Variants in SUPT6H observed in about 807,000 individuals in gnomAD.
The protein encoded by SUPT6H is SPT6 homolog, histone chaperone and transcription elongation factor, also known as transcription elongation factor SPT6.
A neutral mutation model predicts 222.3 loss-of-function variants in SUPT6H; 11 were observed. The ratio of observed to expected loss-of-function variants is 0.05; its 90% CI spans 0.03 to 0.08. SUPT6H has a LOEUF of 0.08. Ranked by LOEUF, SUPT6H falls within the 10% of genes least tolerant of loss-of-function variation. The pLI is 1.00. For synonymous variants in SUPT6H, 762 were observed against 801.2 expected (o/e 0.95, Z 0.83); for missense variants, 1,422 against 2,216.0 (o/e 0.64, Z 7.19).
At chr17:28,679,333 A>G (rs2030948176) in intron 11 of SUPT6H, among the ~76,000 whole-genome samples, 1 of 152,116 alleles carries the variant, frequency 6.6e-6, no homozygotes. Flanking sequence ...AGATCGTGCC[A>G]CTGCTCTCCA....
rs1597697977 is a variant in SUPT6H, at chr17:28,678,973, G to A, written c.1349+10G>A. The A allele has an allele frequency of 8.1e-6, 13 of 1,614,122 alleles. No homozygotes were observed. In the African/African-American group the frequency reaches 1.2e-4, roughly 15 times the overall value. Reference sequence around the variant, plus strand: ...CCACTGACATGGAGAGGTAAAACATGCGGTGTTTATTCCATTATGGGAAGC... The same window carrying A: ...CCACTGACATGGAGAGGTAAAACATACGGTGTTTATTCCATTATGGGAAGC... On this transcript the variant is annotated intron_variant, in intron 11 of 36. Coordinates refer to ENST00000314616, the MANE Select transcript of SUPT6H (RefSeq NM_003170.5).
chr17:28,667,657 T>C (rs2030163702), intron 1 of SUPT6H, among the ~76,000 whole-genome samples: 1 of 151,332 alleles, frequency 6.6e-6, no homozygotes, highest in Admixed American at 6.6e-5. Context: ...TCATGTTGCC[T>C]TTTTCCAGAC....
chr17:28,688,372 T>A lies in SUPT6H; in HGVS notation c.3134+154T>A. The stretch of plus-strand genomic sequence containing the variant: ...GGAACTTTATTCAGTCAAGAGCCCC[T>A]GACCTATGGAAAAGATCGGTTCAAT... On this transcript the variant is annotated intron_variant, in intron 24 of 36. Transcript: ENST00000314616. This position sits in a 1 kb window ranked among gnomAD's most constrained non-coding sequence, Gnocchi z 4.3. 2.2e-6 allele frequency: 2 copies of A among 900,340 alleles called. No individual in the cohort carries two copies. The highest frequency in any genetic ancestry group is 3.1e-6 in the Non-Finnish European group (2 of 647,756). 55.8% of individuals were successfully genotyped at this position (900,340 alleles called of 1,614,324 possible).
chr17:28,687,177 G>A lies in SUPT6H; in HGVS notation c.2790G>A (p.Val930=), dbSNP rs1418153435. 1.2e-6 allele frequency: 2 copies of A among 1,614,034 alleles called. No individual in the cohort carries two copies. Among genetic ancestry groups the A allele is most frequent in the Non-Finnish European group, 1.7e-6 (2 of 1,180,048 alleles). The change falls in exon 22 of 37, where the codon GTG becomes GTA. Residue 930 remains valine, a synonymous_variant. Transcript: ENST00000314616. ...ACCCTCTGATTGAATTTGCCCAGGT[G>A]TGCAGTTCCGATGAAGACATCCTGT... The part of the protein sequence containing the change: ...IQDPLIEFAQ[V]CSSDEDILCL...
At chr17:28,667,768 C>T (rs975265858) in intron 1 of SUPT6H, among the ~76,000 whole-genome samples, 2 of 151,716 alleles carry the variant, frequency 1.3e-5, no homozygotes, top group Admixed American at 1.3e-4. Flanking sequence ...TAACATAACC[C>T]TATTGTGCTT....
At chr17:28,674,498 G>A (rs1312277351) in intron 3 of SUPT6H, 39 bp from the exon 4 acceptor site, 2 of 1,613,870 alleles carry the variant, frequency 1.2e-6, no homozygotes, top group African/African-American at 1.3e-5. Flanking sequence ...AGTGGAAAAG[G>A]GCAACCCCAT....
intron 1 of SUPT6H, among the ~76,000 whole-genome samples, chr17:28,663,968 C>T (rs1011959798): frequency 1.3e-5 from 2 of 151,044 alleles, no homozygotes; most frequent in African/African-American, 4.9e-5. Context: ...AATCAAGTGC[C>T]ACCACATCTA....
chr17:28,685,888 G>A (rs1167544118), intron 19 of SUPT6H, among the ~76,000 whole-genome samples: 6 of 152,192 alleles, frequency 3.9e-5, no homozygotes, highest in Non-Finnish European at 8.8e-5. Context: ...AGGACATGCA[G>A]GAGTGTGAGG....
chr17:28,689,612 G>A, intron 25 of SUPT6H, 51 bp downstream of exon 25: 1 of 1,578,616 alleles, frequency 6.3e-7, no homozygotes, highest in Non-Finnish European at 8.7e-7. Flanking sequence ...CAAGTGGCCA[G>A]GTTGGTAGGA....
chr17:28,689,512 G>A lies in SUPT6H; in HGVS notation c.3293G>A (p.Arg1098Gln), dbSNP rs1368810493. 1.2e-6 allele frequency: 2 copies of A among 1,614,168 alleles called. No individual in the cohort carries two copies. The highest frequency in any genetic ancestry group is 1.7e-5 in the Admixed American group (1 of 60,014). The change falls in exon 25 of 37, where the codon CGA becomes CAA. Residue 1098 changes from arginine (R) to glutamine (Q), a missense_variant. By Grantham distance (43) the Arg-to-Gln change is conservative. Around this residue, in one of 13 missense-constraint regions of SUPT6H, gnomAD observed 16 missense variants for 88.5 expected, o/e 0.18. Coordinates refer to ENST00000314616, the MANE Select transcript of SUPT6H (RefSeq NM_003170.5). ...ALEEILENPE[R>Q]LKDLDLDAFA... ...GAAGAAATCTTGGAAAACCCAGAGC[G>A]ACTGAAAGACCTGGACCTTGATGCC...
At position 28,678,879 on chromosome 17, in the gene SUPT6H, C is replaced by T; in HGVS notation, c.1265C>T (p.Ala422Val). 1.2e-6 allele frequency: 2 copies of T among 1,614,204 alleles called. No homozygotes were observed. The highest frequency in any genetic ancestry group is 1.1e-5 in the South Asian group (1 of 91,078). Residue 422 changes from alanine to valine, a missense_variant, in exon 11 of 37, where the codon GCT becomes GTT. Ala to Val is a moderately conservative substitution (Grantham distance 64). Coordinates refer to ENST00000314616, the MANE Select transcript of SUPT6H (RefSeq NM_003170.5). The stretch of plus-strand genomic sequence containing the variant: ...ACACGGCTGTTTGAGAAGATGCAGG[C>T]TTATCAGTATGAACAGATCTCTGCT... Reference protein sequence around the residue: ...NLTRLFEKMQAYQYEQISADP... With the variant: ...NLTRLFEKMQVYQYEQISADP...
Position 28,674,538 on chromosome 17 carries a change from C to T in SUPT6H, c.270C>T (p.Thr90=). 2 of 1,614,166 alleles carry T rather than the reference C, an allele frequency of 1.2e-6. No individual in the cohort carries two copies. The highest frequency in any genetic ancestry group is 1.7e-6 in the Non-Finnish European group (2 of 1,180,028). Residue 90 remains threonine, a splice_region_variant and synonymous_variant, in exon 4 of 37, where the codon ACC becomes ACT. Coordinates refer to ENST00000314616, the MANE Select transcript of SUPT6H (RefSeq NM_003170.5). Reference sequence around the variant, plus strand: ...ATGGGCAACACTTTGTTTCTTCAGCCTCTTTTGATGACCGCCTGGAGGATG... The same window carrying T: ...ATGGGCAACACTTTGTTTCTTCAGCTTCTTTTGATGACCGCCTGGAGGATG... The part of the protein sequence containing the change: ...DDVGHKKRKR[T]SFDDRLEDDD...
chr17:28,695,511 CAGG>C lies in SUPT6H; in HGVS notation c.3942_3944del (p.Glu1314del). The C allele has an allele frequency of 6.2e-7, 1 of 1,614,040 alleles. No individual in the cohort carries two copies. Among genetic ancestry groups the C allele is most frequent in the Non-Finnish European group, 8.5e-7 (1 of 1,180,012 alleles). On this transcript the variant is annotated inframe_deletion, in exon 29 of 37. Transcript: ENST00000314616. ...TGATGCTGAAGCTGCAGACCACAAG[CAGG>C]AGGAGGACATGAAGCGGAAGCAGCA...
chr17:28,682,711 C>A lies in SUPT6H; in HGVS notation c.1598-16C>A. 6.2e-7 allele frequency: 1 copy of A among 1,613,868 alleles called. No homozygotes were observed. The highest frequency in any genetic ancestry group is 8.5e-7 in the Non-Finnish European group (1 of 1,179,852). ...CCTATCTGCTGCCTTACCCTTCACT[C>A]TTCTGTTTGCTTTAGATGGCCTGGC... On this transcript the variant is annotated splice_polypyrimidine_tract_variant and intron_variant, in intron 13 of 36. Coordinates refer to ENST00000314616, the MANE Select transcript of SUPT6H (RefSeq NM_003170.5).
intron 7 of SUPT6H, among the ~76,000 whole-genome samples, chr17:28,677,031 C>A (rs2030790188): frequency 6.6e-6 from 1 of 152,040 alleles, no homozygotes; most frequent in Non-Finnish European, 1.5e-5. Flanking sequence ...GAGTTCGAGA[C>A]CAGCCTGGCC....
chr17:28,678,787 C>T, intron 10 of SUPT6H, 34 bp from the exon 11 acceptor site: 2 of 1,614,048 alleles, frequency 1.2e-6, no homozygotes, highest in Non-Finnish European at 1.7e-6. Context: ...CAGGGCTGAA[C>T]ACAAGCTCTC....
At chr17:28,693,608 G>T in intron 27 of SUPT6H, 88 bp from the exon 28 acceptor site, 1 of 1,516,544 alleles carries the variant, frequency 6.6e-7, no homozygotes, top group Non-Finnish European at 9.0e-7. Flanking sequence ...AATGGTAAAA[G>T]AAATTACAAC....
At chr17:28,689,815 A>G (rs963991248) in intron 25 of SUPT6H, among the ~76,000 whole-genome samples, 1 of 152,094 alleles carries the variant, frequency 6.6e-6, no homozygotes, top group Non-Finnish European at 1.5e-5. Flanking sequence ...TCAGTACTAC[A>G]GTTTCCGTCT....
At chr17:28,685,341 T>C (rs991404354) in intron 19 of SUPT6H, among the ~76,000 whole-genome samples, 5 of 152,188 alleles carry the variant, frequency 3.3e-5, no homozygotes, top group Non-Finnish European at 7.3e-5. Flanking sequence ...TTTCAATTCA[T>C]TTGGTTGGTA....
Sources: gnomAD v4.1 joint callset for allele counts (sites outside exome capture counted in the v4.1 genomes callset) on GRCh38, gnomAD v4.1.1 for gene constraint, gnomAD v4.1.1 regional missense constraint, Gnocchi (gnomAD v3.1) non-coding constraint, MANE v1.5 for transcripts, NCBI Gene and HGNC (gene_info 2026-07-23, HGNC 2026-07-21) for gene names.